MTA3: variants seen among roughly 807,000 people sequenced by gnomAD.
The protein encoded by MTA3 is metastasis associated 1 family member 3.
In MTA3, 34 loss-of-function variants were observed where a neutral mutation model predicts 83.5. That is an observed-to-expected ratio of 0.41 (90% CI 0.31 to 0.54). The LOEUF (loss-of-function observed/expected upper bound fraction) is 0.54, where lower values mean the gene tolerates loss of function less well. Ranked by LOEUF, MTA3 falls within the 20% of genes least tolerant of loss-of-function variation. The pLI, the probability that MTA3 is intolerant of heterozygous loss-of-function variation, is 0.33. For missense variants in MTA3, 761 were observed against 726.4 expected (o/e 1.05, Z -0.55); for synonymous variants, 303 against 252.7 (o/e 1.20, Z -1.89).
chr2:42,722,761 T>C (rs1667518618), intron 15 of MTA3, 128 bp from the exon 16 acceptor site: 1 of 1,114,466 alleles, frequency 9.0e-7, no homozygotes, highest in Non-Finnish European at 1.3e-6. Context: ...ATGCAAGTCC[T>C]TGGCTGGCTC....
chr2:42,524,132 G>C (rs1392630050), intron 2 of MTA3, among the ~76,000 whole-genome samples: 1 of 151,954 alleles, frequency 6.6e-6, no homozygotes, highest in Non-Finnish European at 1.5e-5. Flanking sequence ...CTAACAAAGG[G>C]AACCATGGTT....
intron 16 of MTA3, among the ~76,000 whole-genome samples, chr2:42,739,777 A>G (rs1668889272): frequency 6.6e-6 from 1 of 152,102 alleles, no homozygotes; most frequent in Non-Finnish European, 1.5e-5. Flanking sequence ...TAAGTCCTTT[A>G]TTTTCATCTC....
chr2:42,567,443 C>A (rs1388970420), upstream of MTA3, among the ~76,000 whole-genome samples: 1 of 152,168 alleles, frequency 6.6e-6, no homozygotes, highest in Non-Finnish European at 1.5e-5. Context: ...CTGGGGGCAC[C>A]TCTTAGCCCC....
In MTA3 at chr2:42,619,691, A is replaced by G. The variant is rs181066117; in HGVS notation, c.317+10107A>G. ...ATTCAAAAAAAGGGAAGGACTAACA[A>G]CAATGAAAATAAGGATTTTTCAAAT... is the stretch of plus-strand genomic sequence containing the variant. On this transcript the variant is annotated intron_variant, in intron 4 of 16. Transcript: ENST00000405094. Among the ~76,000 whole-genome samples the G allele has an allele frequency of 4.6e-5, 7 of 152,346 alleles. No homozygotes were observed. The East Asian group carries it at 9.6e-4, about 21-fold the overall frequency.
intron 4 of MTA3, among the ~76,000 whole-genome samples, chr2:42,610,245 T>C (rs1684026771): frequency 6.6e-6 from 1 of 152,244 alleles, no homozygotes; most frequent in African/African-American, 2.4e-5. Flanking sequence ...GAAAATTATA[T>C]AGCCATTAGA....
intron 6 of MTA3, among the ~76,000 whole-genome samples, chr2:42,644,505 G>T (rs1210779662): frequency 6.6e-6 from 1 of 152,124 alleles, no homozygotes; most frequent in Non-Finnish European, 1.5e-5. Context: ...GCTATTATAG[G>T]TGTGGCCTGG....
At chr2:42,561,830 C>G (rs1277067366) in intron 2 of MTA3, among the ~76,000 whole-genome samples, 1 of 152,130 alleles carries the variant, frequency 6.6e-6, no homozygotes, top group Non-Finnish European at 1.5e-5. Context: ...GTATACTGCT[C>G]TAAGTGTTTT....
At chr2:42,590,386 C>T (rs1251001841) in intron 3 of MTA3, among the ~76,000 whole-genome samples, 1 of 152,164 alleles carries the variant, frequency 6.6e-6, no homozygotes, top group Non-Finnish European at 1.5e-5. Flanking sequence ...AACCTTGCTT[C>T]CTTTCTTGCC....
intron 3 of MTA3, among the ~76,000 whole-genome samples, chr2:42,579,429 A>ATT (rs1553348074): frequency 8.6e-5 from 12 of 140,172 alleles, no homozygotes; most frequent in South Asian, 2.2e-4. Context: ...ATATATATAT[A>ATT]TTTTTTTTTT....
intron 8 of MTA3, among the ~76,000 whole-genome samples, chr2:42,667,745 C>G (rs1312200240): frequency 3.3e-5 from 5 of 151,928 alleles, no homozygotes; most frequent in African/African-American, 1.2e-4. Context: ...AGTGATCCTC[C>G]TACTTGAGCC....
intron 2 of MTA3, among the ~76,000 whole-genome samples, chr2:42,575,222 C>A (rs978474390): frequency 3.3e-5 from 5 of 152,124 alleles, no homozygotes; most frequent in African/African-American, 9.7e-5. Flanking sequence ...GTCCGTCCTA[C>A]CCCTCACCCC....
At chr2:42,538,568 C>A (rs558256756) in intron 2 of MTA3, among the ~76,000 whole-genome samples, 16 of 151,454 alleles carry the variant, frequency 1.1e-4, no homozygotes, top group African/African-American at 3.9e-4. Context: ...ATTAGCTGGG[C>A]GTGGTAGTGG....
intron 3 of MTA3, among the ~76,000 whole-genome samples, chr2:42,580,098 G>A (rs1022292729): frequency 2.0e-5 from 3 of 151,684 alleles, no homozygotes; most frequent in Non-Finnish European, 2.9e-5. Flanking sequence ...TGTGCACCAC[G>A]ACACCAGGCT....
chr2:42,540,437 G>T (rs1294418010), intron 2 of MTA3, among the ~76,000 whole-genome samples: 2 of 152,014 alleles, frequency 1.3e-5, no homozygotes, highest in Admixed American at 1.3e-4. Flanking sequence ...GCCTCCCAAA[G>T]AGTTGGGATT....
At chr2:42,513,875 C>T (rs1046760460) in intron 2 of MTA3, among the ~76,000 whole-genome samples, 1 of 152,154 alleles carries the variant, frequency 6.6e-6, no homozygotes, top group Non-Finnish European at 1.5e-5. Flanking sequence ...CAATGCTGGC[C>T]TCCCTCCACT....
intron 2 of MTA3, among the ~76,000 whole-genome samples, chr2:42,508,032 A>G (rs13028484): frequency 0.14 from 20,881 of 151,712 alleles, 1,485 homozygotes; most frequent in African/African-American, 0.15. Context: ...CCTGAGGCCC[A>G]TTCTTGCTGG....
chr2:42,526,444 TGATCAGTACATTCCTTG>T (rs1350097915), intron 2 of MTA3, among the ~76,000 whole-genome samples: 1 of 152,140 alleles, frequency 6.6e-6, no homozygotes, highest in Non-Finnish European at 1.5e-5. Context: ...CCTGCCAAGA[TGATCAGTACATTCCTTG>T]GAATGTCTAT....
chr2:42,626,913 G>T (rs1374984656), intron 4 of MTA3, among the ~76,000 whole-genome samples: 1 of 151,466 alleles, frequency 6.6e-6, no homozygotes, highest in Admixed American at 6.6e-5. Flanking sequence ...GCTAATTTTT[G>T]TATTTGTAGT....
chr2:42,750,062 G>T (rs1332347146), intron 16 of MTA3, among the ~76,000 whole-genome samples: 2 of 152,044 alleles, frequency 1.3e-5, no homozygotes, highest in African/African-American at 4.8e-5. Context: ...CACAATCTCG[G>T]CTCACTGCAA....
Sources: gnomAD v4.1 joint callset for allele counts (sites outside exome capture counted in the v4.1 genomes callset) on GRCh38, gnomAD v4.1.1 for gene constraint, MANE v1.5 for transcripts, NCBI Gene and HGNC (gene_info 2026-07-23, HGNC 2026-07-21) for gene names.